The following MDGA2 variants were observed in gnomAD, a reference collection of about 807,000 sequenced individuals.
MDGA2 encodes the protein MAM domain-containing glycosylphosphatidylinositol anchor protein 2.
In MDGA2, 40 loss-of-function variants were observed where a neutral mutation model predicts 117.8. That is an observed-to-expected ratio of 0.34 (90% CI 0.26 to 0.44). The LOEUF (loss-of-function observed/expected upper bound fraction) is 0.44. Ranked by LOEUF, MDGA2 falls within the 20% of genes least tolerant of loss-of-function variation. The probability of loss-of-function intolerance (pLI) is 1.00; values close to 1 mark genes in which losing one functional copy is unlikely to be tolerated. For synonymous variants in MDGA2, 452 were observed against 439.0 expected (o/e 1.03, Z -0.37); for missense variants, 1,123 against 1,250.6 (o/e 0.90, Z 1.54).
intron 8 of MDGA2, among the ~76,000 whole-genome samples, chr14:47,033,516 T>C (rs574718090): frequency 2.6e-5 from 4 of 152,146 alleles, no homozygotes; most frequent in Non-Finnish European, 5.9e-5. Flanking sequence ...TTTTAGAAAA[T>C]GGGAAGCAGT....
chr14:47,597,884 A>ACAC (rs752838923), intron 1 of MDGA2, among the ~76,000 whole-genome samples: 1 of 148,358 alleles, frequency 6.7e-6, no homozygotes, highest in African/African-American at 2.5e-5. Context: ...ACACACACAC[A>ACAC]AAACACAGAG....
At chr14:47,609,440 T>TATACATATATATATATATATATATATAC (rs1555336039) in intron 1 of MDGA2, among the ~76,000 whole-genome samples, 1 of 88,198 alleles carries the variant, frequency 1.1e-5, no homozygotes, top group Non-Finnish European at 2.3e-5. Context: ...TATATATATA[T>TATACATATATATATATATATATATATAC]ATATATATAT....
intron 5 of MDGA2, among the ~76,000 whole-genome samples, chr14:47,106,521 T>C (rs1365547314): frequency 1.3e-5 from 2 of 151,782 alleles, no homozygotes; most frequent in Non-Finnish European, 2.9e-5. Context: ...CTAAGCCGCG[T>C]CCCATCTGTG....
chr14:46,921,292 CT>C (rs1210780254), intron 9 of MDGA2, among the ~76,000 whole-genome samples: 1 of 151,940 alleles, frequency 6.6e-6, no homozygotes, highest in Non-Finnish European at 1.5e-5. Context: ...AACATCTTTT[CT>C]TTTTTTCTTT....
At chr14:47,565,537 C>T (rs531983410) in intron 1 of MDGA2, among the ~76,000 whole-genome samples, 36 of 152,296 alleles carry the variant, frequency 2.4e-4, no homozygotes, top group Admixed American at 6.5e-4. Flanking sequence ...CATTCCCAAA[C>T]CGTTGGTCAC....
chr14:47,471,815 TATA>T (rs1427717692), intron 1 of MDGA2, among the ~76,000 whole-genome samples: 4 of 152,062 alleles, frequency 2.6e-5, no homozygotes, highest in African/African-American at 7.2e-5. Flanking sequence ...TCCAATTTTA[TATA>T]ATAATAATAA....
Position 47,176,401 on chromosome 14 carries a change from T to C in MDGA2, c.596-32127A>G, listed in dbSNP as rs779735128. 8.8e-4 allele frequency among the ~76,000 whole-genome samples: 134 copies of C among 152,228 alleles called. 1 individual carries two copies. The highest frequency in any genetic ancestry group is 1.1e-3 in the Non-Finnish European group (72 of 68,034). On this transcript the variant is annotated intron_variant, in intron 3 of 16. Coordinates refer to ENST00000399232, the MANE Select transcript of MDGA2 (RefSeq NM_001113498.3). ...CATCACGCTACCTGACCTCAAACTA[T>C]ACTACAAGGCTACAGTAACCAAAAC...
intron 8 of MDGA2, among the ~76,000 whole-genome samples, chr14:46,997,997 TA>T (rs1887359866): frequency 6.6e-6 from 1 of 152,014 alleles, no homozygotes; most frequent in African/African-American, 2.4e-5. Flanking sequence ...GACTTTTGAA[TA>T]ATCCTTATTG....
intron 6 of MDGA2, among the ~76,000 whole-genome samples, chr14:47,075,638 A>G (rs543611511): frequency 3.3e-4 from 51 of 152,328 alleles, no homozygotes; most frequent in African/African-American, 1.1e-3. Flanking sequence ...GAGGCACTAT[A>G]TCACCAAGCT....
At chr14:46,949,400 T>C (rs572355617) in intron 9 of MDGA2, among the ~76,000 whole-genome samples, 48 of 152,160 alleles carry the variant, frequency 3.2e-4, no homozygotes, top group African/African-American at 1.1e-3. Context: ...GTTTTTTACA[T>C]GGCTATATTG....
At chr14:47,358,348 A>C (rs1307204426) in intron 1 of MDGA2, among the ~76,000 whole-genome samples, 2 of 152,128 alleles carry the variant, frequency 1.3e-5, no homozygotes, top group South Asian at 4.2e-4. Context: ...TACTTGTTAA[A>C]AGTAATAAAA....
intron 6 of MDGA2, among the ~76,000 whole-genome samples, chr14:47,072,829 T>A (rs1380806209): frequency 1.3e-5 from 2 of 152,284 alleles, no homozygotes; most frequent in East Asian, 3.9e-4. Flanking sequence ...CCCAGAAGGA[T>A]TATTGAGATA....
chr14:46,876,178 G>C (rs1426885026), intron 12 of MDGA2, among the ~76,000 whole-genome samples: 2 of 151,316 alleles, frequency 1.3e-5, no homozygotes, highest in African/African-American at 4.8e-5. Flanking sequence ...AACATCAATA[G>C]CTCTCGATTC....
At chr14:47,118,614 T>G (rs552468376) in intron 5 of MDGA2, among the ~76,000 whole-genome samples, 1 of 152,348 alleles carries the variant, frequency 6.6e-6, no homozygotes, top group East Asian at 1.9e-4. Context: ...TACCATTTGT[T>G]TTCAATATAG....
chr14:47,091,432 C>A (rs1304946077), intron 6 of MDGA2, among the ~76,000 whole-genome samples: 1 of 151,950 alleles, frequency 6.6e-6, no homozygotes, highest in Non-Finnish European at 1.5e-5. Flanking sequence ...AGCAATAAAT[C>A]ATGGTATGGA....
intron 1 of MDGA2, among the ~76,000 whole-genome samples, chr14:47,657,347 A>AAT (rs1485463691): frequency 1.3e-5 from 2 of 152,194 alleles, no homozygotes; most frequent in Non-Finnish European, 2.9e-5. Flanking sequence ...GCTTGCCATC[A>AAT]GCTACTCCAG....
chr14:47,343,970 A>C (rs956899255), intron 1 of MDGA2, among the ~76,000 whole-genome samples: 4 of 152,160 alleles, frequency 2.6e-5, no homozygotes, highest in Non-Finnish European at 5.9e-5. Context: ...TGACTCTTGG[A>C]AAAGAGTGTA....
chr14:46,960,947 TATACAC>T (rs1885783001), intron 8 of MDGA2, among the ~76,000 whole-genome samples: 2 of 137,072 alleles, frequency 1.5e-5, no homozygotes, highest in African/African-American at 5.7e-5. Flanking sequence ...CGTATATATA[TATACAC>T]ACACACACAC....
intron 1 of MDGA2, among the ~76,000 whole-genome samples, chr14:47,575,149 C>A (rs375435624): frequency 5.3e-5 from 8 of 152,072 alleles, no homozygotes; most frequent in Non-Finnish European, 7.4e-5. Context: ...GTCCATTTTA[C>A]AAAACGCAAT....
Sources: gnomAD v4.1 joint callset for allele counts (sites outside exome capture counted in the v4.1 genomes callset) on GRCh38, gnomAD v4.1.1 for gene constraint, MANE v1.5 for transcripts, NCBI Gene and HGNC (gene_info 2026-07-23, HGNC 2026-07-21) for gene names.